The following EPX variants were observed in gnomAD, a reference collection of about 807,000 sequenced individuals.
EPX encodes eosinophil peroxidase.
In EPX, 60 loss-of-function variants were observed where a neutral mutation model predicts 73.0. The ratio of observed to expected loss-of-function variants is 0.82; its 90% CI spans 0.67 to 1.02. The LOEUF is 1.02. EPX is among the 50% of genes least tolerant of loss of function. EPX has a pLI of 0.00. For synonymous variants in EPX, 347 were observed against 389.2 expected, an observed-to-expected ratio of 0.89 and a Z score of 1.28; for missense variants, 950 against 973.9, an observed-to-expected ratio of 0.98 and a Z score of 0.33.
chr17:58,196,715 T>C (rs1397071191), intron 6 of EPX, among the ~76,000 whole-genome samples: 2 of 152,118 alleles, frequency 1.3e-5, no homozygotes, highest in Admixed American at 1.3e-4. Context: ...AGGATCGAGA[T>C]TGTTTCAAAA....
At position 58,197,531 on chromosome 17, in the gene EPX, G is replaced by A. The variant is rs34270809; in HGVS notation, c.1120+274G>A. On this transcript the variant is annotated intron_variant, in intron 7 of 12. Transcript: ENST00000225371. ...CCCCAGCTCAGCCACAGGCAGCTCCGACTGTTAGAAAGTCTCCTTATTTTG... is the reference window on the plus strand; with the variant it reads ...CCCCAGCTCAGCCACAGGCAGCTCCAACTGTTAGAAAGTCTCCTTATTTTG... Among the ~76,000 whole-genome samples the A allele has an allele frequency of 2.2e-3, 342 of 152,284 alleles. 3 individuals carry two copies. The highest frequency in any genetic ancestry group is 0.017 in the Admixed American group (266 of 15,296).
At chr17:58,197,330 G>C in intron 7 of EPX, 73 bp downstream of exon 7, 1 of 1,565,814 alleles carries the variant, frequency 6.4e-7, no homozygotes, top group East Asian at 2.2e-5. Flanking sequence ...AAGCAATGGT[G>C]GGATGTGGTG....
chr17:58,195,858 A>T (rs1443802642), intron 6 of EPX, among the ~76,000 whole-genome samples: 1 of 152,088 alleles, frequency 6.6e-6, no homozygotes, highest in African/African-American at 2.4e-5. Context: ...TCCCTGGCTT[A>T]GGGGCACCTC....
At position 58,193,300 on chromosome 17, in the gene EPX, C is replaced by T. The variant is rs1968203850; in HGVS notation, c.171-71C>T. On this transcript the variant is annotated intron_variant, in intron 2 of 12. Coordinates refer to ENST00000225371, the MANE Select transcript of EPX (RefSeq NM_000502.6). ...GTCCGCTTGCCCTGTCCTGACTGTG[C>T]CCCAGGACTGGGTCTCTGCTGGGTG... 51 of 1,492,544 alleles carry T rather than the reference C, an allele frequency of 3.4e-5. No individual in the cohort carries two copies. The South Asian group carries it at 5.2e-4, about 15-fold the overall frequency. The allele number at this position is 1,492,544 out of a possible 1,614,324, so 92.5% of individuals were successfully genotyped here. A position where few individuals can be genotyped will look rare whatever the true frequency, so the allele number is the denominator to read the frequency against.
At position 58,203,225 on chromosome 17, in the gene EPX, C is replaced by A. The variant is rs1968365190; in HGVS notation, c.1853C>A (p.Ala618Asp). ...TPDNIDIWIG[A>D]IAEPLLPGAR... is the part of the protein sequence containing the mutation. ...GACAACATTGACATCTGGATTGGGG[C>A]CATCGCTGAGCCTCTTTTGCCGGGG... The change falls in exon 11 of 13, where the codon GCC (alanine) becomes GAC (aspartate). Residue 618 changes from alanine to aspartate, a missense_variant. Physicochemically the swap from Ala to Asp is moderately radical, Grantham distance 126 (BLOSUM62 -2). Transcript: ENST00000225371. 5 of 1,614,048 alleles carry A rather than the reference C, an allele frequency of 3.1e-6. No homozygotes were observed. Among genetic ancestry groups the A allele is most frequent in the African/African-American group, 1.3e-5 (1 of 74,930 alleles).
rs749939935 is a variant in EPX, at chr17:58,197,268, G to A, written c.1120+11G>A. 1.2e-6 allele frequency: 2 copies of A among 1,609,592 alleles called. No homozygotes were observed. Among genetic ancestry groups the A allele is most frequent in the Non-Finnish European group, 1.7e-6 (2 of 1,179,994 alleles). On this transcript the variant is annotated intron_variant, in intron 7 of 12. Transcript: ENST00000225371. Reference sequence around the variant, plus strand: ...CCTGCTTCCTGGCAGGTCAGACAGGGAGGAAGGTGGTGTCTTCCCAGGAAA... The same window carrying A: ...CCTGCTTCCTGGCAGGTCAGACAGGAAGGAAGGTGGTGTCTTCCCAGGAAA...
rs947421498 is a variant in EPX, at chr17:58,201,658, T to C, written c.1708+1263T>C. ...TCAGTGGGATGTGGTAAGATGTTCC[T>C]TGGACCTTTGCCCAGCAGGATATGA... On this transcript the variant is annotated intron_variant, in intron 10 of 12. Transcript: ENST00000225371. 2.0e-5 allele frequency among the ~76,000 whole-genome samples: 3 copies of C among 152,324 alleles called. No individual in the cohort carries two copies. The East Asian group carries it at 5.8e-4, about 29-fold the overall frequency.
At chr17:58,193,178 G>A in intron 2 of EPX, 47 bp downstream of exon 2, 2 of 1,409,758 alleles carry the variant, frequency 1.4e-6, no homozygotes, top group South Asian at 2.3e-5. Flanking sequence ...GATCAGTGAG[G>A]GGCATGGGCC....
At chr17:58,194,282 C>T (rs556019073) in intron 5 of EPX, among the ~76,000 whole-genome samples, 190 bp downstream of exon 5, 59 of 152,294 alleles carry the variant, frequency 3.9e-4, no homozygotes, top group African/African-American at 1.3e-3. Flanking sequence ...AAACCTACCT[C>T]GTAGAGCCTG....
At chr17:58,203,931 C>CAAAAAAAAAAAA (rs567848038) in intron 11 of EPX, among the ~76,000 whole-genome samples, 1 of 15,778 alleles carries the variant, frequency 6.3e-5, no homozygotes, top group African/African-American at 2.1e-4. Flanking sequence ...GACTCCGTCT[C>CAAAAAAAAAAAA]AAAAAAAAAA....
At chr17:58,201,446 C>A (rs1968339766) in intron 10 of EPX, among the ~76,000 whole-genome samples, 3 of 152,100 alleles carry the variant, frequency 2.0e-5, no homozygotes, top group Non-Finnish European at 4.4e-5. Flanking sequence ...GGCTGAACAG[C>A]CAATGCAGGT....
At chr17:58,194,189 C>A in intron 5 of EPX, 97 bp downstream of exon 5, 1 of 1,238,902 alleles carries the variant, frequency 8.1e-7, no homozygotes, top group Non-Finnish European at 1.2e-6. Flanking sequence ...TGAACCCAGG[C>A]CCTTCCACTG....
chr17:58,202,951 T>G (rs961266631), intron 10 of EPX, 130 bp from the exon 11 acceptor site: 4 of 733,240 alleles, frequency 5.5e-6, no homozygotes, highest in Non-Finnish European at 9.8e-6. Flanking sequence ...GGGACTCTTC[T>G]GCCAGCAGGA....
At chr17:58,200,576 G>A (rs1968327403) in intron 10 of EPX, among the ~76,000 whole-genome samples, 181 bp downstream of exon 10, 1 of 152,218 alleles carries the variant, frequency 6.6e-6, no homozygotes, top group South Asian at 2.1e-4. Flanking sequence ...TTGCTGTCCT[G>A]CCATGGCTCC....
chr17:58,194,828 A>G (rs1968230283), intron 5 of EPX, 136 bp from the exon 6 acceptor site: 1 of 726,360 alleles, frequency 1.4e-6, no homozygotes. Context: ...CCAGGGACAA[A>G]AGGGGCATGG....
At chr17:58,199,835 G>A (rs745645586) in intron 9 of EPX, 41 bp downstream of exon 9, 1 of 1,547,272 alleles carries the variant, frequency 6.5e-7, no homozygotes, top group Non-Finnish European at 8.8e-7. Flanking sequence ...GTGAGGGTGG[G>A]GAGCATGCCC....
intron 9 of EPX, 45 bp downstream of exon 9, chr17:58,199,839 C>T: frequency 1.3e-6 from 2 of 1,596,620 alleles, no homozygotes; most frequent in South Asian, 2.2e-5. Context: ...GGGTGGGGAG[C>T]ATGCCCTCCC....
At position 58,204,287 on chromosome 17, in the gene EPX, T is replaced by C. The variant is rs1452080124; in HGVS notation, c.2012T>C (p.Leu671Ser). 1.2e-6 allele frequency: 2 copies of C among 1,613,992 alleles called. No homozygotes were observed. The highest frequency in any genetic ancestry group is 1.7e-6 in the Non-Finnish European group (2 of 1,179,944). Residue 671 changes from leucine to serine, a missense_variant, in exon 12 of 13, where the codon TTG (leucine) becomes TCG (serine). Coordinates refer to ENST00000225371, the MANE Select transcript of EPX (RefSeq NM_000502.6). ...CGCAAGGCCCTGAGCAGAATTTCCTTGTCTCGAATTATATGTGACAATACC... is the reference window on the plus strand; with the variant it reads ...CGCAAGGCCCTGAGCAGAATTTCCTCGTCTCGAATTATATGTGACAATACC... The part of the protein sequence containing the change: ...RQRKALSRIS[L>S]SRIICDNTGI...
intron 10 of EPX, among the ~76,000 whole-genome samples, chr17:58,201,337 G>A (rs974586046): frequency 1.3e-5 from 2 of 152,212 alleles, no homozygotes; most frequent in South Asian, 4.1e-4. Flanking sequence ...AGGAGCTGTG[G>A]GCACCCCCTG....
Sources: gnomAD v4.1 joint callset for allele counts (sites outside exome capture counted in the v4.1 genomes callset) on GRCh38, gnomAD v4.1.1 for gene constraint, MANE v1.5 for transcripts, NCBI Gene and HGNC (gene_info 2026-07-23, HGNC 2026-07-21) for gene names.